Variants in GRIN2B observed in about 807,000 individuals in gnomAD.
The protein encoded by GRIN2B is glutamate ionotropic receptor NMDA type subunit 2B.
Under a neutral mutation model 114.5 loss-of-function variants are expected in GRIN2B, and 5 were observed. That is an observed-to-expected ratio of 0.04 (90% CI 0.02 to 0.09). The LOEUF (loss-of-function observed/expected upper bound fraction) is 0.09, where lower values mean the gene tolerates loss of function less well. GRIN2B is among the 10% of genes least tolerant of loss of function. GRIN2B has a pLI of 1.00. For synonymous variants in GRIN2B, 787 were observed against 745.1 expected, an observed-to-expected ratio of 1.06 and a Z score of -0.92; for missense variants, 1,108 against 1,943.5, an observed-to-expected ratio of 0.57 and a Z score of 8.08.
chr12:13,543,999 T>C lies in GRIN2B; in HGVS notation c.*18784A>G, dbSNP rs1003813341. 6.6e-6 allele frequency: 1 copy of C among 152,184 alleles called. No homozygotes were observed. The highest frequency in any genetic ancestry group is 1.5e-5 in the Non-Finnish European group (1 of 68,038). The allele number at this position is 152,184 out of a possible 1,614,324, so 9.4% of individuals were successfully genotyped here. A position where few individuals can be genotyped will look rare whatever the true frequency, so the allele number is the denominator to read the frequency against. On this transcript the variant is annotated 3_prime_UTR_variant, in exon 14 of 14. Coordinates refer to ENST00000609686, the MANE Select transcript of GRIN2B (RefSeq NM_000834.5). ...GTCCTCTCTCCCTAGGCATCATCAA[T>C]TTTTCCTTTCTCCTGGATTAGTCTT...
chr12:13,707,129 C>T (rs2300248), intron 4 of GRIN2B, among the ~76,000 whole-genome samples: 9,924 of 152,088 alleles, frequency 0.065, 409 homozygotes, highest in East Asian at 0.18. Flanking sequence ...TCTCACTTTG[C>T]TTTTATTCCT....
intron 4 of GRIN2B, among the ~76,000 whole-genome samples, chr12:13,736,898 G>A (rs1863193216): frequency 6.6e-6 from 1 of 151,748 alleles, no homozygotes; most frequent in Non-Finnish European, 1.5e-5. Context: ...GTGCGTGCCT[G>A]TAGCGCCTAT....
At chr12:13,964,910 C>A (rs962363941) in intron 2 of GRIN2B, among the ~76,000 whole-genome samples, 1 of 152,186 alleles carries the variant, frequency 6.6e-6, no homozygotes, top group Non-Finnish European at 1.5e-5. Context: ...GAGAAGCAGG[C>A]ACAATACTTA....
chr12:13,796,383 T>C (rs886905834), intron 3 of GRIN2B, among the ~76,000 whole-genome samples: 1 of 152,156 alleles, frequency 6.6e-6, no homozygotes, highest in Non-Finnish European at 1.5e-5. Context: ...TTCTTTTTAG[T>C]CTCACTTTGT....
intron 2 of GRIN2B, among the ~76,000 whole-genome samples, chr12:13,955,672 C>T (rs1867576721): frequency 6.6e-6 from 1 of 152,132 alleles, no homozygotes; most frequent in Non-Finnish European, 1.5e-5. Flanking sequence ...GGCTTCTTCA[C>T]TTAACTCAAT....
chr12:13,593,221 G>A (rs184291751), intron 10 of GRIN2B, among the ~76,000 whole-genome samples: 12 of 152,244 alleles, frequency 7.9e-5, no homozygotes, highest in African/African-American at 2.6e-4. Context: ...GGAACCAAAA[G>A]AGCCCACATA....
intron 4 of GRIN2B, among the ~76,000 whole-genome samples, chr12:13,710,626 G>T (rs1046340371): frequency 6.6e-6 from 1 of 151,916 alleles, no homozygotes; most frequent in Admixed American, 6.6e-5. Context: ...ACTCCCATTT[G>T]CAATTGCTTC....
At chr12:13,711,092 A>G (rs909713922) in intron 4 of GRIN2B, among the ~76,000 whole-genome samples, 4 of 152,204 alleles carry the variant, frequency 2.6e-5, no homozygotes, top group African/African-American at 9.6e-5. Context: ...CAACCATCTG[A>G]TCTTTGACAA....
At chr12:13,826,933 C>A (rs552312006) in intron 3 of GRIN2B, among the ~76,000 whole-genome samples, 5 of 151,290 alleles carry the variant, frequency 3.3e-5, no homozygotes, top group Non-Finnish European at 5.9e-5. Flanking sequence ...CCTCTGAAAG[C>A]CTTTATTTTG....
At chr12:13,850,580 G>C (rs1334615330) in intron 3 of GRIN2B, among the ~76,000 whole-genome samples, 1 of 152,042 alleles carries the variant, frequency 6.6e-6, no homozygotes, top group Non-Finnish European at 1.5e-5. Context: ...TCTACTTCTT[G>C]TCTTTCATCC....
At chr12:13,974,555 C>A (rs1008393967) in intron 2 of GRIN2B, among the ~76,000 whole-genome samples, 6 of 152,140 alleles carry the variant, frequency 3.9e-5, no homozygotes, top group African/African-American at 7.2e-5. Flanking sequence ...TGCTTTCTGT[C>A]CTCCTAAAAT....
chr12:13,848,372 C>G (rs1008328672), intron 3 of GRIN2B, among the ~76,000 whole-genome samples: 1 of 152,018 alleles, frequency 6.6e-6, no homozygotes, highest in African/African-American at 2.4e-5. Flanking sequence ...AGACCCAGGA[C>G]TGAATCGAAC....
In GRIN2B at chr12:13,550,665, T is replaced by A. The variant is rs1294986674; in HGVS notation, c.*12118A>T. The A allele has an allele frequency of 1.3e-5, 2 of 152,164 alleles. No individual in the cohort carries two copies. The highest frequency in any genetic ancestry group is 2.9e-5 in the Non-Finnish European group (2 of 68,030). The allele number at this position is 152,164 out of a possible 1,614,324, so 9.4% of individuals were successfully genotyped here. A position where few individuals can be genotyped will look rare whatever the true frequency, so the allele number is the denominator to read the frequency against. ...CTCTACCACAAAGAAAATGCTGCCT[T>A]CACATAAAGCCTCTTTTCTGTAATC... On this transcript the variant is annotated 3_prime_UTR_variant, in exon 14 of 14. Transcript: ENST00000609686.
chr12:13,629,967 G>A (rs999121156), intron 5 of GRIN2B, among the ~76,000 whole-genome samples: 3 of 152,066 alleles, frequency 2.0e-5, no homozygotes, highest in South Asian at 4.2e-4. Context: ...CCAAAATACC[G>A]TGTGCATATC....
chr12:13,914,719 T>C (rs1866682883), intron 2 of GRIN2B, among the ~76,000 whole-genome samples: 1 of 152,204 alleles, frequency 6.6e-6, no homozygotes. Context: ...GTATAATGTA[T>C]ACAATGGAAT....
intron 3 of GRIN2B, among the ~76,000 whole-genome samples, chr12:13,843,018 A>C (rs566326321): frequency 2.1e-4 from 26 of 123,676 alleles, no homozygotes; most frequent in African/African-American, 7.3e-4. Flanking sequence ...TACTTTTTAA[A>C]ATTTTTTATT....
At chr12:13,609,355 T>A (rs527479073) in intron 9 of GRIN2B, among the ~76,000 whole-genome samples, 1 of 152,342 alleles carries the variant, frequency 6.6e-6, no homozygotes, top group East Asian at 1.9e-4. Context: ...TGGCTTAGAA[T>A]GCACTTTTTC....
At chr12:13,972,753 C>A (rs1862951669) in intron 2 of GRIN2B, among the ~76,000 whole-genome samples, 1 of 152,230 alleles carries the variant, frequency 6.6e-6, no homozygotes. Flanking sequence ...ACGTAACCTC[C>A]AAGGTGACTG....
chr12:13,842,901 G>C (rs1480805989), intron 3 of GRIN2B, among the ~76,000 whole-genome samples: 1 of 134,624 alleles, frequency 7.4e-6, no homozygotes, highest in Non-Finnish European at 1.6e-5. Flanking sequence ...TTGGAATGTT[G>C]TGAAGATTGG....
Sources: gnomAD v4.1 joint callset for allele counts (sites outside exome capture counted in the v4.1 genomes callset) on GRCh38, gnomAD v4.1.1 for gene constraint, MANE v1.5 for transcripts, NCBI Gene and HGNC (gene_info 2026-07-23, HGNC 2026-07-21) for gene names.